FRMPD4: variants seen among roughly 807,000 people sequenced by gnomAD.
FRMPD4 encodes FERM and PDZ domain containing 4.
In FRMPD4, 22 loss-of-function variants were observed where a neutral mutation model predicts 94.1. That is an observed-to-expected ratio of 0.23 (90% CI 0.17 to 0.33). The LOEUF (loss-of-function observed/expected upper bound fraction) is 0.33. FRMPD4 is among the 10% of genes least tolerant of loss of function. FRMPD4 has a pLI of 1.00. For missense variants in FRMPD4, 1,111 were observed against 1,339.9 expected (o/e 0.83, Z 2.67); for synonymous variants, 631 against 548.6 (o/e 1.15, Z -2.10).
chrX:12,535,603 T>G (rs1243146402), intron 2 of FRMPD4, among the ~76,000 whole-genome samples: 3 of 112,483 alleles, frequency 2.7e-5, no homozygotes, highest in Non-Finnish European at 5.6e-5. Flanking sequence ...AATTCATTTT[T>G]CAACTGCAAA....
intron 1 of FRMPD4, among the ~76,000 whole-genome samples, chrX:12,355,458 G>A (rs1293809209): frequency 8.9e-6 from 1 of 112,369 alleles, no homozygotes; most frequent in Non-Finnish European, 1.9e-5. Flanking sequence ...GGAATTTCAG[G>A]TATGAACCAC....
intron 11 of FRMPD4, among the ~76,000 whole-genome samples, chrX:12,705,588 T>C (rs1475968583): frequency 2.7e-5 from 3 of 111,349 alleles, no homozygotes; most frequent in Non-Finnish European, 5.7e-5. Context: ...TTAACTCACT[T>C]CCCAATTTCA....
At chrX:12,049,284 G>A (rs939535505) in intron 3 of FRMPD4, among the ~76,000 whole-genome samples, 1 of 111,517 alleles carries the variant, frequency 9.0e-6, no homozygotes, top group African/African-American at 3.3e-5. Context: ...TTGGCTCTCA[G>A]TGTGAATGTT....
At chrX:12,286,064 G>GTTCTT (rs770519315) in intron 1 of FRMPD4, among the ~76,000 whole-genome samples, 1 of 111,774 alleles carries the variant, frequency 8.9e-6, no homozygotes, top group Non-Finnish European at 1.9e-5. Context: ...TTCCATGATG[G>GTTCTT]TTCTTTTCTT....
chrX:12,403,897 C>T (rs1182301077), intron 1 of FRMPD4, among the ~76,000 whole-genome samples: 1 of 111,866 alleles, frequency 8.9e-6, no homozygotes, highest in Non-Finnish European at 1.9e-5. Context: ...CTGAGTTCTA[C>T]ATTAGTGACT....
At chrX:12,249,575 C>T (rs1038036486) in intron 1 of FRMPD4, among the ~76,000 whole-genome samples, 3 of 111,278 alleles carry the variant, frequency 2.7e-5, no homozygotes, top group African/African-American at 9.8e-5. Context: ...ATCATGCTTT[C>T]TGGGGGCTAG....
chrX:12,142,479 A>G lies in FRMPD4; in HGVS notation c.41+3467A>G, dbSNP rs771214540. Among the ~76,000 whole-genome samples, 5 of 111,273 alleles carry G rather than the reference A, an allele frequency of 4.5e-5. No homozygotes were observed. The East Asian group carries it at 1.1e-3, about 25-fold the overall frequency. ...CCATATCCCCTATTTTTACTGAGTA[A>G]TTGTATTAATATTGCTGATAATAGT... On this transcript the variant is annotated intron_variant, in intron 1 of 16. Coordinates refer to ENST00000675598, the MANE Select transcript of FRMPD4 (RefSeq NM_001368397.1).
chrX:12,370,058 A>G (rs1231717253), intron 1 of FRMPD4, among the ~76,000 whole-genome samples: 1 of 111,930 alleles, frequency 8.9e-6, no homozygotes, highest in Non-Finnish European at 1.9e-5. Context: ...ATGCTCTTTC[A>G]TTTATCATAA....
At chrX:12,241,693 A>G (rs2057131513) in intron 1 of FRMPD4, among the ~76,000 whole-genome samples, 1 of 111,537 alleles carries the variant, frequency 9.0e-6, no homozygotes, top group South Asian at 3.8e-4. Flanking sequence ...TGAGCTCAGG[A>G]GTTTGAGACC....
intron 4 of FRMPD4, among the ~76,000 whole-genome samples, chrX:12,654,962 T>A (rs6639208): frequency 0.27 from 30,469 of 111,175 alleles, 3,468 homozygotes; most frequent in East Asian, 0.59. Context: ...ATCTCGGTTT[T>A]CTCATTTCCA....
At chrX:12,369,565 A>T (rs1368629031) in intron 1 of FRMPD4, among the ~76,000 whole-genome samples, 1 of 112,622 alleles carries the variant, frequency 8.9e-6, no homozygotes, top group Non-Finnish European at 1.9e-5. Context: ...GGTCTATATA[A>T]AATACCAAGG....
chrX:11,927,881 A>G (rs1331370687), intron 3 of FRMPD4, among the ~76,000 whole-genome samples: 4 of 112,325 alleles, frequency 3.6e-5, no homozygotes, highest in African/African-American at 1.3e-4. Context: ...AAACAATTGC[A>G]ACAAAAGCAA....
intron 2 of FRMPD4, among the ~76,000 whole-genome samples, chrX:12,569,398 C>T (rs185031019): frequency 5.4e-5 from 6 of 111,161 alleles, no homozygotes; most frequent in East Asian, 5.6e-4. Flanking sequence ...GTCAGGAAAC[C>T]CAGAGTTCAG....
At chrX:12,473,588 C>T (rs1469106073) in intron 1 of FRMPD4, among the ~76,000 whole-genome samples, 1 of 109,435 alleles carries the variant, frequency 9.1e-6, no homozygotes, top group Non-Finnish European at 1.9e-5. Flanking sequence ...TGCGGAGACA[C>T]ACATAGGCTC....
At chrX:12,489,224 T>A (rs1286640150) in intron 1 of FRMPD4, among the ~76,000 whole-genome samples, 2 of 111,988 alleles carry the variant, frequency 1.8e-5, no homozygotes, top group Non-Finnish European at 3.8e-5. Context: ...ATAGATATAC[T>A]TTTAGGATTC....
rs189778084 is a variant in FRMPD4, at chrX:11,854,933, C to T, written c.-160-10153C>T. 1.8e-4 allele frequency among the ~76,000 whole-genome samples: 20 copies of T among 112,054 alleles called. No homozygotes were observed. In the South Asian group the frequency reaches 7.4e-3, roughly 42 times the overall value. On this transcript the variant is annotated intron_variant, in intron 1 of 18. Coordinates refer to the FRMPD4 transcript ENST00000640291. ...GGGGACTCTGTGTGGGGGCTCTGACCCCACACTTCCCTTCCACACTGCCCT... is the reference window on the plus strand; with the variant it reads ...GGGGACTCTGTGTGGGGGCTCTGACTCCACACTTCCCTTCCACACTGCCCT...
intron 3 of FRMPD4, among the ~76,000 whole-genome samples, chrX:11,977,040 G>A (rs1429449393): frequency 9.0e-6 from 1 of 111,607 alleles, no homozygotes; most frequent in Non-Finnish European, 1.9e-5. Flanking sequence ...CAAGGAAACA[G>A]TCGGGTAAAT....
chrX:12,608,684 A>G (rs755349659), intron 2 of FRMPD4, among the ~76,000 whole-genome samples: 1 of 112,706 alleles, frequency 8.9e-6, no homozygotes, highest in African/African-American at 3.2e-5. Flanking sequence ...ATAACTTAAC[A>G]GCTTTTCACA....
intron 3 of FRMPD4, among the ~76,000 whole-genome samples, chrX:11,948,309 G>A (rs765667957): frequency 1.9e-4 from 21 of 110,276 alleles, no homozygotes; most frequent in Non-Finnish European, 4.0e-4. Context: ...TAGGTTATGA[G>A]GGTGGAGTCC....
Sources: gnomAD v4.1 joint callset for allele counts (sites outside exome capture counted in the v4.1 genomes callset) on GRCh38, gnomAD v4.1.1 for gene constraint, MANE v1.5 for transcripts, NCBI Gene and HGNC (gene_info 2026-07-23, HGNC 2026-07-21) for gene names.